Variants in SEMA3C observed in about 807,000 individuals in gnomAD.
The protein encoded by SEMA3C is semaphorin-3C.
Under a neutral mutation model 89.4 loss-of-function variants are expected in SEMA3C, and 47 were observed. The observed-to-expected ratio is 0.53, with a 90% CI of 0.42 to 0.67. The LOEUF is 0.67. Ranked by LOEUF, SEMA3C falls within the 30% of genes least tolerant of loss-of-function variation. SEMA3C has a pLI of 0.00. For synonymous variants in SEMA3C, 310 were observed against 320.2 expected (o/e 0.97, Z 0.34); for missense variants, 839 against 929.1 (o/e 0.90, Z 1.26).
intron 2 of SEMA3C, among the ~76,000 whole-genome samples, chr7:80,883,130 T>G (rs1394039388): frequency 6.6e-6 from 1 of 152,216 alleles, no homozygotes; most frequent in Non-Finnish European, 1.5e-5. Context: ...CTCTCAAGCA[T>G]TTGTTAATAC....
intron 12 of SEMA3C, among the ~76,000 whole-genome samples, chr7:80,775,336 G>T (rs1277652891): frequency 1.3e-5 from 2 of 151,882 alleles, no homozygotes; most frequent in Non-Finnish European, 2.9e-5. Context: ...AGATATTTGA[G>T]AACATGATAA....
chr7:80,795,846 T>C (rs1008950277), intron 11 of SEMA3C, among the ~76,000 whole-genome samples: 5 of 152,136 alleles, frequency 3.3e-5, no homozygotes, highest in East Asian at 3.9e-4. Flanking sequence ...ATTTCCATGG[T>C]GTAGATAGTT....
chr7:80,832,577 C>T (rs1012452839), intron 2 of SEMA3C, among the ~76,000 whole-genome samples: 2 of 151,982 alleles, frequency 1.3e-5, no homozygotes, highest in African/African-American at 4.8e-5. Flanking sequence ...TTCTGCACGG[C>T]TACTGAAAAA....
At chr7:80,751,441 C>A in intron 15 of SEMA3C, 105 bp from the exon 16 acceptor site, 1 of 985,846 alleles carries the variant, frequency 1.0e-6, no homozygotes. Context: ...TATTGCTAAG[C>A]TTTCATAAAA....
chr7:80,895,104 ACG>A (rs1016700439), intron 2 of SEMA3C, among the ~76,000 whole-genome samples: 2 of 152,188 alleles, frequency 1.3e-5, no homozygotes, highest in African/African-American at 4.8e-5. Context: ...GTGAGCATGC[ACG>A]CGCATGTACA....
In SEMA3C at chr7:80,800,837, G is replaced by A. The variant is rs200674553; in HGVS notation, c.917-11C>T. 5.4e-6 allele frequency: 8 copies of A among 1,487,470 alleles called. No individual in the cohort carries two copies. The Admixed American group carries it at 1.6e-4, about 29-fold the overall frequency. The allele number at this position is 1,487,470 out of a possible 1,614,324, so 92.1% of individuals were successfully genotyped here. On this transcript the variant is annotated splice_polypyrimidine_tract_variant and intron_variant, in intron 9 of 17. Coordinates refer to ENST00000265361, the MANE Select transcript of SEMA3C (RefSeq NM_006379.5). ...GCAGAAACACATCCTCTATAAAAAG[G>A]AAAATATTCTTTTAAAGTTTCTAAA...
chr7:80,847,180 G>A (rs1216883312), intron 2 of SEMA3C: 2 of 152,176 alleles, frequency 1.3e-5, no homozygotes, highest in African/African-American at 2.4e-5. Flanking sequence ...CAGTTTGGAT[G>A]AGGGAGACAG....
chr7:80,922,241 A>G (rs776086043), upstream of SEMA3C: 37 of 1,287,354 alleles, frequency 2.9e-5, no homozygotes, highest in South Asian at 3.0e-4. Flanking sequence ...AGGTTTTTCA[A>G]TAAGTTTCAA....
At chr7:80,861,985 A>T (rs1790782963) in intron 2 of SEMA3C, among the ~76,000 whole-genome samples, 1 of 152,154 alleles carries the variant, frequency 6.6e-6, no homozygotes, top group Admixed American at 6.6e-5. Context: ...CAGCCAACAT[A>T]ACACTGAATG....
At chr7:80,841,303 T>A (rs1790262892) in intron 2 of SEMA3C, among the ~76,000 whole-genome samples, 1 of 152,150 alleles carries the variant, frequency 6.6e-6, no homozygotes, top group African/African-American at 2.4e-5. Context: ...ATTCTTAAAC[T>A]ATTGTGTGCC....
At chr7:80,748,450 A>C (rs3823476) in intron 17 of SEMA3C, among the ~76,000 whole-genome samples, 15,196 of 152,294 alleles carry the variant, frequency 0.1, 896 homozygotes, top group East Asian at 0.23. Context: ...CAATGGAAAC[A>C]GATTACCACA....
chr7:80,844,119 T>C (rs766503113), intron 2 of SEMA3C, among the ~76,000 whole-genome samples: 13 of 152,174 alleles, frequency 8.5e-5, no homozygotes, highest in Non-Finnish European at 1.9e-4. Flanking sequence ...CCATGGAGGA[T>C]GAGAATATGC....
intron 15 of SEMA3C, among the ~76,000 whole-genome samples, chr7:80,754,574 A>AT: frequency 6.6e-6 from 1 of 152,318 alleles, no homozygotes; most frequent in South Asian, 2.1e-4. Context: ...CATGTTTTGT[A>AT]TTTACTATAA....
At position 80,800,783 on chromosome 7, in the gene SEMA3C, T is replaced by C; in HGVS notation, c.960A>G (p.Leu320=). 1 of 1,530,392 alleles carries C rather than the reference T, an allele frequency of 6.5e-7. No individual in the cohort carries two copies. Among genetic ancestry groups the C allele is most frequent in the African/African-American group, 1.4e-5 (1 of 69,428 alleles). 94.8% of individuals were successfully genotyped at this position (1,530,392 alleles called of 1,614,324 possible). Residue 320 remains leucine (L), a synonymous_variant, in exon 10 of 18, where the codon CTA becomes CTG. Coordinates refer to ENST00000265361, the MANE Select transcript of SEMA3C (RefSeq NM_006379.5). Reference sequence around the variant, plus strand: ...TTGATGTTGTAAAAATGCCATACACTAGTGTTGTCCTCGGGTTATCAGTTT... The same window carrying C: ...TTGATGTTGTAAAAATGCCATACACCAGTGTTGTCCTCGGGTTATCAGTTT... ...LLETDNPRTT[L]VYGIFTTSSS...
In SEMA3C at chr7:80,798,134, C is replaced by G. The variant is rs1307757120; in HGVS notation, c.1089G>C (p.Leu363=). The G allele has an allele frequency of 6.2e-7, 1 of 1,607,840 alleles. No homozygotes were observed. The highest frequency in any genetic ancestry group is 1.1e-5 in the South Asian group (1 of 89,936). The change falls in exon 11 of 18, where the codon CTG becomes CTC. Residue 363 remains leucine (L), a synonymous_variant. Coordinates refer to ENST00000265361, the MANE Select transcript of SEMA3C (RefSeq NM_006379.5). ...FAHKEGPNHQ[L]ISYQGRIPYP... The stretch of plus-strand genomic sequence containing the variant: ...ATGGAATTCTGCCCTGATAGGAAAT[C>G]AGCTGATGATTGGGCCCTTCTTTGT...
At chr7:80,805,558 T>C in intron 7 of SEMA3C, 81 bp downstream of exon 7, 1 of 1,240,308 alleles carries the variant, frequency 8.1e-7, no homozygotes. Context: ...TTTTTAACCA[T>C]TTTCCCTAGT....
At position 80,910,651 on chromosome 7, in the gene SEMA3C, G is replaced by A. The variant is rs145424388; in HGVS notation, c.103+6028C>T. 1.4e-4 allele frequency among the ~76,000 whole-genome samples: 19 copies of A among 140,156 alleles called. No homozygotes were observed. The East Asian group carries it at 2.9e-3, about 21-fold the overall frequency. The allele number at this position is 140,156 out of a possible 152,430, so 91.9% of individuals were successfully genotyped here. ...CTCACAGCTCTATTTCCCAATGCTC[G>A]TTCTTTTTTTTTTTTTTTTTAACAG... On this transcript the variant is annotated intron_variant, in intron 2 of 17. Coordinates refer to ENST00000265361, the MANE Select transcript of SEMA3C (RefSeq NM_006379.5).
intron 11 of SEMA3C, chr7:80,796,763 T>C (rs758020107): frequency 6.6e-6 from 1 of 152,190 alleles, no homozygotes; most frequent in Non-Finnish European, 1.5e-5. Context: ...TTTTCCAAAG[T>C]TAATTAAAGA....
intron 12 of SEMA3C, among the ~76,000 whole-genome samples, chr7:80,788,395 G>A (rs565646720): frequency 6.6e-6 from 1 of 152,162 alleles, no homozygotes; most frequent in Admixed American, 6.5e-5. Context: ...TGTGAAAGAC[G>A]TGAGTAGTGG....
Sources: allele counts gnomAD v4.1 joint callset (sites outside exome capture counted in the v4.1 genomes callset), GRCh38; gene constraint gnomAD v4.1.1; transcripts MANE v1.5; gene names NCBI Gene and HGNC (gene_info 2026-07-23, HGNC 2026-07-21).